JPH3: variants seen among roughly 807,000 people sequenced by gnomAD.
JPH3 encodes the protein junctophilin-3.
A neutral mutation model predicts 59.6 loss-of-function variants in JPH3; 11 were observed. The observed-to-expected ratio is 0.18, with a 90% confidence interval of 0.12 to 0.31. JPH3 has a LOEUF of 0.31. Ranked by LOEUF, JPH3 falls within the 10% of genes least tolerant of loss-of-function variation. JPH3 has a pLI of 1.00. For synonymous variants in JPH3, 673 were observed against 483.6 expected (o/e 1.39, Z -5.14); for missense variants, 1,202 against 1,105.7 (o/e 1.09, Z -1.24).
At position 87,689,790 on chromosome 16, in the gene JPH3, T is replaced by C. The variant is rs1370201676; in HGVS notation, c.1430T>C (p.Leu477Pro). 1.2e-6 allele frequency: 2 copies of C among 1,602,964 alleles called. No individual in the cohort carries two copies. Among genetic ancestry groups the C allele is most frequent in the African/African-American group, 1.3e-5 (1 of 74,520 alleles). ...PSDLTPDDSP[L>P]QSFPTSPAAT... ...GACCTGACCCCCGACGACAGCCCCCTGCAGAGCTTCCCCACCAGCCCCGCG... is the reference window on the plus strand; with the variant it reads ...GACCTGACCCCCGACGACAGCCCCCCGCAGAGCTTCCCCACCAGCCCCGCG... The change falls in exon 4 of 5, where the codon CTG (leucine) becomes CCG (proline). Residue 477 changes from leucine (L) to proline (P), a missense_variant. Physicochemically the swap from Leu to Pro is moderately conservative, Grantham distance 98. Transcript: ENST00000284262.
At chr16:87,664,166 C>G (rs984019931) in intron 2 of JPH3, among the ~76,000 whole-genome samples, 1 of 151,926 alleles carries the variant, frequency 6.6e-6, no homozygotes, top group South Asian at 2.1e-4. Flanking sequence ...CTCGTCTCTA[C>G]TAAAAATATA....
chr16:87,644,387 A>G lies in JPH3; in HGVS notation c.512A>G (p.His171Arg). ...RTSINSLRSE[H>R]TNGTALHPDA... ...TCCATCAACTCCCTGCGCAGCGAGCACACCAACGGCACGGCGCTGCATCCC... is the reference window on the plus strand; with the variant it reads ...TCCATCAACTCCCTGCGCAGCGAGCGCACCAACGGCACGGCGCTGCATCCC... Residue 171 changes from histidine (H) to arginine (R), a missense_variant, in exon 2 of 5, where the codon CAC (histidine) becomes CGC (arginine). Coordinates refer to ENST00000284262, the MANE Select transcript of JPH3 (RefSeq NM_020655.4). 1.2e-6 allele frequency: 2 copies of G among 1,612,798 alleles called. No homozygotes were observed. Among genetic ancestry groups the G allele is most frequent in the Non-Finnish European group, 1.7e-6 (2 of 1,179,842 alleles).
chr16:87,640,060 G>A (rs2031892857), intron 1 of JPH3, among the ~76,000 whole-genome samples: 1 of 152,138 alleles, frequency 6.6e-6, no homozygotes, highest in African/African-American at 2.4e-5. Context: ...TTCCAGCTGA[G>A]GGGGGGCCCA....
chr16:87,630,797 G>T (rs1465660855), intron 1 of JPH3, among the ~76,000 whole-genome samples: 2 of 152,132 alleles, frequency 1.3e-5, no homozygotes, highest in African/African-American at 4.8e-5. Context: ...GCCATTATCT[G>T]TTGACTCCTA....
intron 2 of JPH3, among the ~76,000 whole-genome samples, chr16:87,660,503 G>C (rs898650949): frequency 6.6e-6 from 1 of 152,200 alleles, no homozygotes; most frequent in Non-Finnish European, 1.5e-5. Flanking sequence ...AGAGGCCACA[G>C]GCTGGACTGG....
Position 87,644,952 on chromosome 16 carries a change from C to A in JPH3, c.1077C>A (p.Ile359=), listed in dbSNP as rs763479212. Reference sequence around the variant, plus strand: ...TCATCCCCCTGCGGGCCAGCAAGATCCGCGAGAAGGTGGACCGCGCCGTTG... The same window carrying A: ...TCATCCCCCTGCGGGCCAGCAAGATACGCGAGAAGGTGGACCGCGCCGTTG... ...KNLIPLRASK[I]REKVDRAVEA... is the part of the protein sequence containing the mutation. The change falls in exon 2 of 5, where the codon ATC becomes ATA. Residue 359 remains isoleucine, a synonymous_variant. Transcript: ENST00000284262. The A allele has an allele frequency of 6.2e-7, 1 of 1,611,862 alleles. No homozygotes were observed. The highest frequency in any genetic ancestry group is 8.5e-7 in the Non-Finnish European group (1 of 1,179,894).
At position 87,644,669 on chromosome 16, in the gene JPH3, G is replaced by C; in HGVS notation, c.794G>C (p.Ser265Thr). The change falls in exon 2 of 5, where the codon AGC becomes ACC. Residue 265 changes from serine (S) to threonine (T), a missense_variant. By Grantham distance (58) the Ser-to-Thr change is moderately conservative. Coordinates refer to ENST00000284262, the MANE Select transcript of JPH3 (RefSeq NM_020655.4). ...STASDIHSTI[S>T]LGEAEAELAV... is the part of the protein sequence containing the mutation. ...GCCAGCGACATCCACTCCACCATCA[G>C]CCTGGGCGAGGCTGAGGCCGAGCTG... 1.9e-6 allele frequency: 3 copies of C among 1,611,848 alleles called. No individual in the cohort carries two copies. Among genetic ancestry groups the C allele is most frequent in the Non-Finnish European group, 2.5e-6 (3 of 1,179,908 alleles).
At chr16:87,606,050 G>A (rs2030507436) in intron 1 of JPH3, among the ~76,000 whole-genome samples, 1 of 152,214 alleles carries the variant, frequency 6.6e-6, no homozygotes, top group Non-Finnish European at 1.5e-5. Context: ...GTTGGGAAGG[G>A]GGTGATTATG....
chr16:87,653,862 T>C (rs1110602), intron 2 of JPH3: 106,689 of 152,174 alleles, frequency 0.7, 37,902 homozygotes, highest in African/African-American at 0.8. Flanking sequence ...TGTCTACACC[T>C]GTGCAGAGGA....
At chr16:87,696,447 T>C (rs1028989920) in intron 4 of JPH3, 133 bp from the exon 5 acceptor site, 8 of 736,014 alleles carry the variant, frequency 1.1e-5, no homozygotes, top group Non-Finnish European at 1.6e-5. Flanking sequence ...GTCCAAGCGT[T>C]TCTAACATCC....
chr16:87,628,271 A>G (rs1452221603), intron 1 of JPH3, among the ~76,000 whole-genome samples: 2 of 152,132 alleles, frequency 1.3e-5, no homozygotes, highest in African/African-American at 4.8e-5. Flanking sequence ...GAGCAGCAGG[A>G]CCCTTCCACG....
At chr16:87,643,705 C>T (rs1455702213) in intron 1 of JPH3, among the ~76,000 whole-genome samples, 5 of 152,176 alleles carry the variant, frequency 3.3e-5, no homozygotes, top group African/African-American at 9.7e-5. Context: ...CCTCCCTTCT[C>T]CCTCCCCGAT....
intron 1 of JPH3, among the ~76,000 whole-genome samples, chr16:87,633,451 CAT>C (rs761016409): frequency 5.4e-4 from 81 of 150,452 alleles, no homozygotes; most frequent in Non-Finnish European, 1.0e-3. Flanking sequence ...TTCCGGCAGA[CAT>C]AACTATTCAG....
At chr16:87,666,314 C>G (rs766593660) in intron 2 of JPH3, among the ~76,000 whole-genome samples, 1 of 151,908 alleles carries the variant, frequency 6.6e-6, no homozygotes, top group Non-Finnish European at 1.5e-5. Flanking sequence ...GTCTAGAACT[C>G]CTGACCTCAG....
At position 87,611,767 on chromosome 16, in the gene JPH3, A is replaced by G. The variant is rs2030739492; in HGVS notation, c.382+8239A>G. ...GGCCTGGGATGCCACCCAAGAATTT[A>G]TATTTCTTACAAATTTCAGGCGATG... is the stretch of plus-strand genomic sequence containing the variant. On this transcript the variant is annotated intron_variant, in intron 1 of 4. Transcript: ENST00000284262. The surrounding 1 kb of genome is among the most constrained non-coding windows in gnomAD (Gnocchi z 4.5). 6.6e-6 allele frequency among the ~76,000 whole-genome samples: 1 copy of G among 152,122 alleles called. No homozygotes were observed. Among genetic ancestry groups the G allele is most frequent in the African/African-American group, 2.4e-5 (1 of 41,422 alleles).
chr16:87,641,042 C>T (rs1407013676), intron 1 of JPH3, among the ~76,000 whole-genome samples: 4 of 152,224 alleles, frequency 2.6e-5, no homozygotes, highest in South Asian at 4.1e-4. Context: ...CAGGGTTTCC[C>T]CCCAGTGTGG....
intron 2 of JPH3, among the ~76,000 whole-genome samples, chr16:87,682,725 C>T (rs1486249788): frequency 1.3e-5 from 2 of 152,216 alleles, no homozygotes; most frequent in Non-Finnish European, 2.9e-5. Flanking sequence ...GAACCGTGAA[C>T]AGGAGACCTC....
intron 1 of JPH3, among the ~76,000 whole-genome samples, chr16:87,620,253 T>C (rs2031122853): frequency 6.6e-6 from 1 of 151,518 alleles, no homozygotes; most frequent in Non-Finnish European, 1.5e-5. Context: ...TTATGGTGCA[T>C]TCCTGTGTGG....
chr16:87,695,269 CTT>C (rs1438541614), intron 4 of JPH3: 1 of 455,634 alleles, frequency 2.2e-6, no homozygotes, highest in South Asian at 1.6e-5. Flanking sequence ...CCCATCATGT[CTT>C]TGAAATTTGA....
Sources: allele counts gnomAD v4.1 joint callset (sites outside exome capture counted in the v4.1 genomes callset), GRCh38; gene constraint gnomAD v4.1.1; non-coding constraint Gnocchi (gnomAD v3.1); transcripts MANE v1.5; gene names NCBI Gene and HGNC (gene_info 2026-07-23, HGNC 2026-07-21).